Variants in COL13A1 observed in about 807,000 individuals in gnomAD.
COL13A1 encodes the protein collagen type XIII alpha 1 chain.
A neutral mutation model predicts 130.9 loss-of-function variants in COL13A1; 89 were observed. The observed-to-expected ratio is 0.68, with a 90% CI of 0.57 to 0.81. The LOEUF is 0.81. Among genes scored for constraint, COL13A1 ranks in the 30% least tolerant of loss-of-function variants. The pLI, the probability that COL13A1 is intolerant of heterozygous loss-of-function variation, is 0.00. For missense variants in COL13A1, 879 were observed against 934.6 expected, an observed-to-expected ratio of 0.94 and a Z score of 0.78; for synonymous variants, 402 against 341.6, an observed-to-expected ratio of 1.18 and a Z score of -1.95.
intron 1 of COL13A1, among the ~76,000 whole-genome samples, chr10:69,809,260 A>T (rs1842363292): frequency 2.6e-5 from 4 of 152,238 alleles, no homozygotes; most frequent in Non-Finnish European, 4.4e-5. Flanking sequence ...GGCTAATGGC[A>T]ACTGTAACCA....
intron 26 of COL13A1, 49 bp from the exon 27 acceptor site, chr10:69,927,038 T>C (rs1411399076): frequency 6.2e-7 from 1 of 1,613,208 alleles, no homozygotes; most frequent in Non-Finnish European, 8.5e-7. Flanking sequence ...AACCTTCCAC[T>C]TGGCTCTTGG....
Position 69,898,608 on chromosome 10 carries a change from C to T in COL13A1, c.685-89C>T. ...TCTGCTCCGGTCCCTCTTGGTTGCC[C>T]TGCCCTCCTGGTGACTTTTGGCATC... On this transcript the variant is annotated intron_variant, in intron 13 of 40. Coordinates refer to ENST00000645393, the MANE Select transcript of COL13A1 (RefSeq NM_001368882.1). The T allele has an allele frequency of 2.6e-6, 3 of 1,148,476 alleles. No homozygotes were observed. In the South Asian group the frequency reaches 4.4e-5, roughly 17 times the overall value. The allele number at this position is 1,148,476 out of a possible 1,614,324, so 71.1% of individuals were successfully genotyped here.
intron 2 of COL13A1, among the ~76,000 whole-genome samples, chr10:69,831,641 G>A (rs577449979): frequency 2.0e-5 from 3 of 152,284 alleles, no homozygotes; most frequent in Non-Finnish European, 4.4e-5. Flanking sequence ...AATTTTTCAG[G>A]GGTGGTGAAG....
At chr10:69,861,421 T>C (rs1037346382) in intron 2 of COL13A1, among the ~76,000 whole-genome samples, 1 of 152,132 alleles carries the variant, frequency 6.6e-6, no homozygotes. Flanking sequence ...GTCCCTTCCT[T>C]GCTCGTACAT....
intron 7 of COL13A1, among the ~76,000 whole-genome samples, chr10:69,880,891 C>G (rs764661166): frequency 2.0e-5 from 3 of 152,220 alleles, no homozygotes; most frequent in African/African-American, 4.8e-5. Flanking sequence ...CCGGCTTTCC[C>G]GGGAACCAGC....
At chr10:69,912,658 C>G (rs2063511122) in intron 17 of COL13A1, among the ~76,000 whole-genome samples, 2 of 151,110 alleles carry the variant, frequency 1.3e-5, no homozygotes, top group African/African-American at 2.4e-5. Context: ...TCAGGGCCTT[C>G]CAACCCAGAC....
At chr10:69,867,681 G>C in intron 2 of COL13A1, 117 bp from the exon 3 acceptor site, 1 of 660,412 alleles carries the variant, frequency 1.5e-6, no homozygotes, top group South Asian at 1.7e-5. Flanking sequence ...GACAAACTTC[G>C]AAGACCAGAT....
In COL13A1 at chr10:69,921,951, A is replaced by C. The variant is rs954713561; in HGVS notation, c.1143+16A>C. On this transcript the variant is annotated intron_variant, in intron 22 of 40. Transcript: ENST00000645393. ...GGGGCAGAAGGTAGGTGTTGCTCTG[A>C]ATGGAGGGTTCAAGTCCTTCGTCAC... 2 of 1,598,128 alleles carry C rather than the reference A, an allele frequency of 1.3e-6. No individual in the cohort carries two copies. The highest frequency in any genetic ancestry group is 2.7e-5 in the African/African-American group (2 of 74,622).
intron 16 of COL13A1, 36 bp from the exon 17 acceptor site, chr10:69,905,750 GA>G (rs760219000): frequency 9.9e-6 from 16 of 1,610,622 alleles, no homozygotes; most frequent in South Asian, 3.3e-5. Flanking sequence ...TTGGCAGTGG[GA>G]AAACCTCTTT....
chr10:69,872,450 G>T (rs1299679344), intron 4 of COL13A1, among the ~76,000 whole-genome samples: 1 of 152,186 alleles, frequency 6.6e-6, no homozygotes, highest in Admixed American at 6.5e-5. Flanking sequence ...TTTGCCCCAG[G>T]CAGACAAATT....
chr10:69,920,022 T>C (rs1481336452), intron 21 of COL13A1, among the ~76,000 whole-genome samples: 1 of 152,202 alleles, frequency 6.6e-6, no homozygotes, highest in Non-Finnish European at 1.5e-5. Flanking sequence ...CCACATGGCC[T>C]GCTTCCGAAG....
Position 69,902,818 on chromosome 10 carries a change from TG to T in COL13A1, c.825del (p.His276ThrfsTer57). On this transcript the variant is annotated frameshift_variant, in exon 15 of 41. Transcript: ENST00000645393. LOFTEE classifies it high-confidence loss of function. ...GGCCCCCCTGGACCAAGTGGACCTC[TG>T]GGGCACCCAGGACTGCCAGGGCCTA... ...PPGPPGPSGPLGHPGLPGPMG... is the reference protein window; with the variant it reads ...PPGPPGPSGPXGHPGLPGPMG... 1 of 1,548,842 alleles carries T rather than the reference TG, an allele frequency of 6.5e-7. No homozygotes were observed. The highest frequency in any genetic ancestry group is 1.2e-5 in the South Asian group (1 of 83,532).
rs559260363 is a variant in COL13A1 at position 69,915,980 on chromosome 10, A to G, written c.922-1309A>G. ...ACCTGGTCCTTTTCCTACTGTCAAC[A>G]GCAGGCCAAGGATGTTTTAAGGCAG... On this transcript the variant is annotated intron_variant, in intron 17 of 40. Coordinates refer to ENST00000645393, the MANE Select transcript of COL13A1 (RefSeq NM_001368882.1). 2.4e-4 allele frequency among the ~76,000 whole-genome samples: 37 copies of G among 152,320 alleles called. No individual in the cohort carries two copies. The South Asian group carries it at 7.3e-3, about 30-fold the overall frequency.
At chr10:69,814,440 C>A (rs1435873399) in intron 1 of COL13A1, among the ~76,000 whole-genome samples, 1 of 152,218 alleles carries the variant, frequency 6.6e-6, no homozygotes, top group Admixed American at 6.5e-5. Flanking sequence ...TGGGAGGAGG[C>A]AGGCCTGGCA....
chr10:69,851,532 GT>G (rs1854805601), intron 2 of COL13A1, among the ~76,000 whole-genome samples: 1 of 152,222 alleles, frequency 6.6e-6, no homozygotes, highest in African/African-American at 2.4e-5. Flanking sequence ...TCCCTGCGCT[GT>G]CTAATACAGT....
intron 20 of COL13A1, among the ~76,000 whole-genome samples, chr10:69,919,422 A>G (rs372646889): frequency 2.0e-5 from 3 of 152,248 alleles, no homozygotes; most frequent in East Asian, 1.9e-4. Context: ...GAAATATTAC[A>G]CAGGTTTCTT....
chr10:69,805,985 T>A lies in COL13A1; in HGVS notation c.294+3268T>A, dbSNP rs146537693. 1.3e-3 allele frequency among the ~76,000 whole-genome samples: 194 copies of A among 152,376 alleles called. 1 individual carries two copies. Among genetic ancestry groups the A allele is most frequent in the African/African-American group, 4.4e-3 (183 of 41,582 alleles). On this transcript the variant is annotated intron_variant, in intron 1 of 40. Coordinates refer to ENST00000645393, the MANE Select transcript of COL13A1 (RefSeq NM_001368882.1). The stretch of plus-strand genomic sequence containing the variant: ...GCCAAGACCAGGATTCTAGCTGGGC[T>A]TTGCCAGTCTTGTGGCCTTAGGCAA...
chr10:69,957,950 G>C (rs2071104773), intron 40 of COL13A1, among the ~76,000 whole-genome samples: 1 of 152,234 alleles, frequency 6.6e-6, no homozygotes, highest in Non-Finnish European at 1.5e-5. Flanking sequence ...AGTGGCAGCA[G>C]AGTCACACTT....
chr10:69,918,810 TG>T (rs1374896375), intron 19 of COL13A1, among the ~76,000 whole-genome samples: 2 of 152,186 alleles, frequency 1.3e-5, no homozygotes, highest in African/African-American at 4.8e-5. Context: ...TCTTTCCTCC[TG>T]GGCTGCCTCA....
Sources: allele counts gnomAD v4.1 joint callset (sites outside exome capture counted in the v4.1 genomes callset), GRCh38; gene constraint gnomAD v4.1.1; transcripts MANE v1.5; gene names NCBI Gene and HGNC (gene_info 2026-07-23, HGNC 2026-07-21).